MKX: variants seen among roughly 807,000 people sequenced by gnomAD.
MKX encodes mohawk homeobox, also known as homeobox protein Mohawk.
In MKX, 13 loss-of-function variants were observed where a neutral mutation model predicts 36.0. The ratio of observed to expected loss-of-function variants is 0.36; its 90% CI spans 0.24 to 0.57. MKX has a LOEUF of 0.57. MKX is among the 20% of genes least tolerant of loss of function. The pLI is 0.79. For missense variants in MKX, 458 were observed against 456.4 expected, an observed-to-expected ratio of 1.00 and a Z score of -0.03; for synonymous variants, 176 against 178.3, an observed-to-expected ratio of 0.99 and a Z score of 0.10.
intron 5 of MKX, among the ~76,000 whole-genome samples, chr10:27,699,679 G>A (rs1346060078): frequency 1.3e-5 from 2 of 152,062 alleles, no homozygotes; most frequent in Non-Finnish European, 2.9e-5. Context: ...TTCCACACGC[G>A]CCTTCCCAGT....
intron 5 of MKX, among the ~76,000 whole-genome samples, chr10:27,711,502 CCTTCCT>C (rs1564357114): frequency 4.6e-4 from 24 of 52,472 alleles, no homozygotes; most frequent in African/African-American, 2.2e-3. Context: ...TCTCTTCTTT[CCTTCCT>C]TCCTTCCTTC....
chr10:27,745,799 G>C lies in MKX; in HGVS notation c.-175C>G, dbSNP rs753245647. 1.3e-5 allele frequency: 2 copies of C among 152,912 alleles called. No homozygotes were observed. Among genetic ancestry groups the C allele is most frequent in the South Asian group, 2.1e-4 (1 of 4,842 alleles). 9.5% of individuals were successfully genotyped at this position (152,912 alleles called of 1,614,324 possible). On this transcript the variant is annotated 5_prime_UTR_variant, in exon 1 of 7. Transcript: ENST00000419761. Reference sequence around the variant, plus strand: ...CCCATCCCCGCCGCATGTTCTCCACGCGGGCTCCAGCGCGCTCACCACCGC... The same window carrying C: ...CCCATCCCCGCCGCATGTTCTCCACCCGGGCTCCAGCGCGCTCACCACCGC...
chr10:27,697,441 C>A (rs550267783), intron 5 of MKX, among the ~76,000 whole-genome samples: 1 of 152,094 alleles, frequency 6.6e-6, no homozygotes, highest in Non-Finnish European at 1.5e-5. Context: ...AAGTCATAAA[C>A]CTGCAATTTA....
At chr10:27,680,139 G>C (rs891871839) in intron 5 of MKX, among the ~76,000 whole-genome samples, 2 of 152,174 alleles carry the variant, frequency 1.3e-5, no homozygotes, top group Non-Finnish European at 2.9e-5. Context: ...CAGTTCATTA[G>C]CATGCACAGA....
At chr10:27,696,159 C>T (rs1037960926) in intron 5 of MKX, among the ~76,000 whole-genome samples, 1 of 152,116 alleles carries the variant, frequency 6.6e-6, no homozygotes, top group Non-Finnish European at 1.5e-5. Flanking sequence ...AGATTTGGGA[C>T]CTCCGATATT....
chr10:27,678,541 T>C (rs1479792910), intron 5 of MKX, among the ~76,000 whole-genome samples: 1 of 152,148 alleles, frequency 6.6e-6, no homozygotes, highest in Admixed American at 6.5e-5. Flanking sequence ...AGAACCCTGT[T>C]CCCTACCTGA....
chr10:27,720,283 C>T (rs1339432626), intron 5 of MKX, among the ~76,000 whole-genome samples: 1 of 149,918 alleles, frequency 6.7e-6, no homozygotes, highest in African/African-American at 2.5e-5. Flanking sequence ...ATAAGCCTAA[C>T]ATAACTCTAA....
At chr10:27,685,731 T>G (rs903487065) in intron 5 of MKX, among the ~76,000 whole-genome samples, 16 of 152,128 alleles carry the variant, frequency 1.1e-4, no homozygotes, top group African/African-American at 3.9e-4. Flanking sequence ...ATTACAGGCG[T>G]CAGCCACCAC....
intron 5 of MKX, among the ~76,000 whole-genome samples, chr10:27,725,320 A>G (rs957862221): frequency 6.6e-6 from 1 of 152,216 alleles, no homozygotes; most frequent in Non-Finnish European, 1.5e-5. Flanking sequence ...GAGGAAAGAG[A>G]GAAAAAGTTC....
Position 27,675,178 on chromosome 10 carries a change from T to C in MKX, c.*51A>G. The C allele has an allele frequency of 6.4e-7, 1 of 1,566,126 alleles. No individual in the cohort carries two copies. Among genetic ancestry groups the C allele is most frequent in the Non-Finnish European group, 8.7e-7 (1 of 1,149,280 alleles). On this transcript the variant is annotated 3_prime_UTR_variant, in exon 7 of 7. Transcript: ENST00000419761. ...CTGCTTCGGCTCTTAGGATGAGGGT[T>C]GATGAAAACACCGGAAAGAACATCC...
chr10:27,741,451 A>C lies in MKX; in HGVS notation c.242T>G (p.Met81Arg). ...AAGCCACTGCTTGAGGGGTCGCGCC[A>C]TGTCTTGCAGGGCCTGCCGCTTGTG... ...VRHKRQALQDMARPLKQWLYK... is the reference protein window; with the variant it reads ...VRHKRQALQDRARPLKQWLYK... The change falls in exon 3 of 7, where the codon ATG becomes AGG. Residue 81 changes from methionine to arginine, a missense_variant. Coordinates refer to ENST00000419761, the MANE Select transcript of MKX (RefSeq NM_173576.3). The surrounding 1 kb of genome is among the most constrained non-coding windows in gnomAD (Gnocchi z 5.1). The C allele has an allele frequency of 1.9e-6, 3 of 1,611,440 alleles. No homozygotes were observed. The highest frequency in any genetic ancestry group is 2.5e-6 in the Non-Finnish European group (3 of 1,179,076).
At position 27,742,935 on chromosome 10, in the gene MKX, A is replaced by G. The variant is rs1470546631; in HGVS notation, c.188+293T>C. On this transcript the variant is annotated intron_variant, in intron 2 of 6. Coordinates refer to ENST00000419761, the MANE Select transcript of MKX (RefSeq NM_173576.3). The surrounding 1 kb of genome is among the most constrained non-coding windows in gnomAD (Gnocchi z 4.2). ...GGCACCCACAGTCCGGAGAGGGGCA[A>G]ATAACCCCCAACTCCGAGGTCCAGG... Among the ~76,000 whole-genome samples, 1 of 152,224 alleles carries G rather than the reference A, an allele frequency of 6.6e-6. No individual in the cohort carries two copies. Among genetic ancestry groups the G allele is most frequent in the African/African-American group, 2.4e-5 (1 of 41,462 alleles).
chr10:27,673,372 A>G lies in MKX; in HGVS notation c.*1857T>C, dbSNP rs1208521006. The stretch of plus-strand genomic sequence containing the variant: ...TTAACTGAAATATGTCAAAACAAAA[A>G]CACTTTTATTAACATATTTAATACC... On this transcript the variant is annotated 3_prime_UTR_variant, in exon 7 of 7. Transcript: ENST00000419761. 2 of 152,608 alleles carry G rather than the reference A, an allele frequency of 1.3e-5. No individual in the cohort carries two copies. Among genetic ancestry groups the G allele is most frequent in the Non-Finnish European group, 2.9e-5 (2 of 68,022 alleles). 9.5% of individuals were successfully genotyped at this position (152,608 alleles called of 1,614,324 possible). A position where few individuals can be genotyped will look rare whatever the true frequency, so the allele number is the denominator to read the frequency against.
chr10:27,715,884 A>T (rs1211813506), intron 5 of MKX, among the ~76,000 whole-genome samples: 4 of 147,080 alleles, frequency 2.7e-5, no homozygotes, highest in African/African-American at 9.8e-5. Flanking sequence ...CATAGCATAA[A>T]GACATAGGTT....
intron 5 of MKX, among the ~76,000 whole-genome samples, chr10:27,724,756 TACACACACACAC>T (rs55968845): frequency 4.7e-4 from 67 of 141,400 alleles, no homozygotes; most frequent in East Asian, 2.1e-4. Flanking sequence ...TACTACTACC[TACACACACACAC>T]ACACACACAC....
chr10:27,680,410 T>C (rs6482638), intron 5 of MKX, among the ~76,000 whole-genome samples: 8,015 of 149,060 alleles, frequency 0.054, 688 homozygotes, highest in African/African-American at 0.18. Flanking sequence ...AAATCTTGGA[T>C]GCTGCAAAAC....
chr10:27,676,461 T>A (rs1016552256), intron 5 of MKX, among the ~76,000 whole-genome samples: 4 of 149,482 alleles, frequency 2.7e-5, no homozygotes. Flanking sequence ...CACTGCAACC[T>A]CCACCTCCCA....
chr10:27,730,178 T>C (rs1834592715), intron 5 of MKX, among the ~76,000 whole-genome samples: 1 of 152,234 alleles, frequency 6.6e-6, no homozygotes, highest in Admixed American at 6.5e-5. Context: ...CTCTGATCAA[T>C]TGCAATGGTA....
At chr10:27,711,446 T>C (rs1836853979) in intron 5 of MKX, among the ~76,000 whole-genome samples, 1 of 8,760 alleles carries the variant, frequency 1.1e-4, no homozygotes, top group Non-Finnish European at 3.0e-4. Context: ...TTTCTTTCTT[T>C]CTTTCTTTCT....
Sources: gnomAD v4.1 joint callset for allele counts (sites outside exome capture counted in the v4.1 genomes callset) on GRCh38, gnomAD v4.1.1 for gene constraint, Gnocchi (gnomAD v3.1) non-coding constraint, MANE v1.5 for transcripts, NCBI Gene and HGNC (gene_info 2026-07-23, HGNC 2026-07-21) for gene names.